SLC4A2: variants seen among roughly 807,000 people sequenced by gnomAD.
SLC4A2 encodes the protein anion exchange protein 2.
Under a neutral mutation model 115.0 loss-of-function variants are expected in SLC4A2, and 36 were observed. That is an observed-to-expected ratio of 0.31 (90% CI 0.24 to 0.41). SLC4A2 has a LOEUF of 0.41. SLC4A2 is among the 10% of genes least tolerant of loss of function. SLC4A2 has a pLI of 1.00. For missense variants in SLC4A2, 1,252 were observed against 1,705.6 expected (o/e 0.73, Z 4.68); for synonymous variants, 708 against 708.3 (o/e 1.00, Z 0.01).
At chr7:151,074,921 A>C in intron 19 of SLC4A2, 80 bp downstream of exon 19, 1 of 1,392,044 alleles carries the variant, frequency 7.2e-7, no homozygotes, top group Admixed American at 2.4e-5. Context: ...ACCTCCAGCC[A>C]CACTGGGCAA....
rs769502987 is a variant in SLC4A2, at chr7:151,074,019, G to C, written c.2536-20G>C. On this transcript the variant is annotated intron_variant, in intron 16 of 22. Coordinates refer to ENST00000413384, the MANE Select transcript of SLC4A2 (RefSeq NM_003040.4). ...TTCTGCAGTCCAGCTGATGGAGGCC[G>C]TGTGGCCTCCTCTCCCCAGATCTTC... 1.3e-6 allele frequency: 2 copies of C among 1,543,436 alleles called. No individual in the cohort carries two copies. The highest frequency in any genetic ancestry group is 1.8e-6 in the Non-Finnish European group (2 of 1,142,500).
chr7:151,076,261 C>T, intron 22 of SLC4A2, 26 bp from the exon 23 acceptor site: 1 of 1,582,478 alleles, frequency 6.3e-7, no homozygotes, highest in Non-Finnish European at 8.6e-7. Flanking sequence ...CACTTCCCTT[C>T]TTGACCGCCA....
At chr7:151,075,983 A>T in intron 21 of SLC4A2, 30 bp from the exon 22 acceptor site, 1 of 1,555,990 alleles carries the variant, frequency 6.4e-7, no homozygotes, top group Non-Finnish European at 8.7e-7. Flanking sequence ...GCTAGGGAGG[A>T]AGCTGGGCTC....
chr7:151,067,410 A>T (rs141464222), intron 7 of SLC4A2, among the ~76,000 whole-genome samples: 1 of 152,292 alleles, frequency 6.6e-6, no homozygotes, highest in African/African-American at 2.4e-5. Flanking sequence ...TTGGTTGTGA[A>T]GGTTGTACAC....
intron 16 of SLC4A2, among the ~76,000 whole-genome samples, chr7:151,073,595 T>G (rs1797515295): frequency 6.6e-6 from 1 of 152,212 alleles, no homozygotes; most frequent in African/African-American, 2.4e-5. Context: ...AAAAATACAT[T>G]ATTTTTAATT....
At chr7:151,062,683 C>T in intron 2 of SLC4A2, 1 of 1,502,232 alleles carries the variant, frequency 6.7e-7, no homozygotes, top group Non-Finnish European at 8.9e-7. Flanking sequence ...GTCTGCGACC[C>T]TCTCTCCCCA....
chr7:151,072,820 G>A (rs112015038), intron 16 of SLC4A2, among the ~76,000 whole-genome samples: 2 of 151,648 alleles, frequency 1.3e-5, no homozygotes, highest in Non-Finnish European at 2.9e-5. Flanking sequence ...CACCATGCCC[G>A]GCTAAATTTT....
At position 151,071,511 on chromosome 7, in the gene SLC4A2, C is replaced by T; in HGVS notation, c.2097C>T (p.Asp699=). The T allele has an allele frequency of 6.2e-7, 1 of 1,613,948 alleles. No individual in the cohort carries two copies. Among genetic ancestry groups the T allele is most frequent in the Non-Finnish European group, 8.5e-7 (1 of 1,180,010 alleles). The change falls in exon 14 of 23, where the codon GAC becomes GAT. Residue 699 remains aspartate, a synonymous_variant. Coordinates refer to ENST00000413384, the MANE Select transcript of SLC4A2 (RefSeq NM_003040.4). The surrounding 1 kb of genome is among the most constrained non-coding windows in gnomAD (Gnocchi z 5.5). ...GCCGCTATCCCCACTACCTGAGTGA[C>T]TTCCGAGATGCACTTGACCCTCAGT... ...VRRRYPHYLS[D]FRDALDPQCL...
In SLC4A2 at chr7:151,072,997, T is replaced by C. The variant is rs564007610; in HGVS notation, c.2535+861T>C. ...TACTTTTATTTTTTAAAAACTTCTA[T>C]ATTTAATGGCACAGTGGCGCCATTA... On this transcript the variant is annotated intron_variant, in intron 16 of 22. Coordinates refer to ENST00000413384, the MANE Select transcript of SLC4A2 (RefSeq NM_003040.4). 4.5e-4 allele frequency among the ~76,000 whole-genome samples: 69 copies of C among 152,288 alleles called. No homozygotes were observed. The South Asian group carries it at 0.012, about 27-fold the overall frequency.
intron 2 of SLC4A2, chr7:151,063,130 G>A (rs1797109483): frequency 4.0e-6 from 6 of 1,484,960 alleles, no homozygotes; most frequent in Admixed American, 2.1e-5. Context: ...TCTTACAAGC[G>A]CCGCATTCCC....
chr7:151,066,691 G>A lies in SLC4A2; in HGVS notation c.753G>A (p.Leu251=). Residue 251 remains leucine (L), a synonymous_variant, in exon 6 of 23, where the codon CTG becomes CTA. Coordinates refer to ENST00000413384, the MANE Select transcript of SLC4A2 (RefSeq NM_003040.4). ...GCATGACTGGGGCTGAGCAGGCACT[G>A]CTGCCCCGGGTCCCCACGGATGAGA... ...IGSMTGAEQA[L]LPRVPTDEIE... is the part of the protein sequence containing the mutation. The A allele has an allele frequency of 6.4e-7, 1 of 1,551,658 alleles. No individual in the cohort carries two copies. The highest frequency in any genetic ancestry group is 8.7e-7 in the Non-Finnish European group (1 of 1,147,454).
At chr7:151,069,809 G>A (rs953412134) in intron 8 of SLC4A2, 138 bp from the exon 9 acceptor site, 2 of 963,630 alleles carry the variant, frequency 2.1e-6, no homozygotes, top group Non-Finnish European at 1.6e-6. Context: ...CAGAACTCGA[G>A]CCCGCGTCCT....
At position 151,074,305 on chromosome 7, in the gene SLC4A2, T is replaced by A. The variant is rs1357759316; in HGVS notation, c.2790+12T>A. ...TCTTTCCTGGCCGGGTGCGTGGGCT[T>A]AAAGGCCAAGAGGGGGTTAGGGGCA... is the stretch of plus-strand genomic sequence containing the variant. On this transcript the variant is annotated intron_variant, in intron 17 of 22. Coordinates refer to ENST00000413384, the MANE Select transcript of SLC4A2 (RefSeq NM_003040.4). 6.2e-7 allele frequency: 1 copy of A among 1,608,638 alleles called. No homozygotes were observed. The highest frequency in any genetic ancestry group is 2.2e-5 in the East Asian group (1 of 44,852).
chr7:151,062,786 A>G, intron 2 of SLC4A2: 1 of 1,364,708 alleles, frequency 7.3e-7, no homozygotes. Context: ...GAGCCAGGAG[A>G]TGGACAGGAG....
chr7:151,075,643 C>A lies in SLC4A2; in HGVS notation c.3339C>A (p.Ile1113=), dbSNP rs1415909415. The part of the protein sequence containing the change: ...SIVIGDLLRQ[I]PLAVLFGIFL... ...TTATCGGGGATCTGCTCCGGCAGAT[C>A]CCCCTGGCCGTGCTCTTTGGAATTT... Residue 1113 remains isoleucine (I), a synonymous_variant, in exon 21 of 23, where the codon ATC becomes ATA. Coordinates refer to ENST00000413384, the MANE Select transcript of SLC4A2 (RefSeq NM_003040.4). The A allele has an allele frequency of 1.9e-6, 3 of 1,602,782 alleles. No individual in the cohort carries two copies. The highest frequency in any genetic ancestry group is 2.6e-6 in the Non-Finnish European group (3 of 1,176,244).
chr7:151,063,201 GGGGGTGGGGTGA>G (rs1347734111), intron 2 of SLC4A2: 9 of 1,422,438 alleles, frequency 6.3e-6, no homozygotes, highest in Non-Finnish European at 7.4e-6. Context: ...TGGGGGCTGT[GGGGGTGGGGTGA>G]GGGGTGGGGC....
Position 151,074,671 on chromosome 7 carries a change from G to T in SLC4A2, c.2881-4G>T. On this transcript the variant is annotated splice_polypyrimidine_tract_variant and splice_region_variant and intron_variant, in intron 18 of 22. Coordinates refer to ENST00000413384, the MANE Select transcript of SLC4A2 (RefSeq NM_003040.4). ...CTTGTCCCTACACTGTGTCTGCCCT[G>T]CAGAAGCTGAGCGTTCCCAGTGGAT... is the stretch of plus-strand genomic sequence containing the variant. 1.3e-6 allele frequency: 2 copies of T among 1,594,054 alleles called. No homozygotes were observed.
rs1797260905 is a variant in SLC4A2 at position 151,067,052 on chromosome 7, C to G, written c.966+59C>G. The G allele has an allele frequency of 2.7e-6, 4 of 1,482,870 alleles. No individual in the cohort carries two copies. The East Asian group carries it at 9.1e-5, about 34-fold the overall frequency. 91.9% of individuals were successfully genotyped at this position (1,482,870 alleles called of 1,614,324 possible). A position where few individuals can be genotyped will look rare whatever the true frequency, so the allele number is the denominator to read the frequency against. On this transcript the variant is annotated intron_variant, in intron 7 of 22. Transcript: ENST00000413384. ...TTCCCACACGACCCTGCCCCTACCT[C>G]TCAGACCAGCTGTAATCTCAAGCCT...
chr7:151,065,698 G>A (rs35856626), intron 5 of SLC4A2, among the ~76,000 whole-genome samples: 3,755 of 152,344 alleles, frequency 0.025, 159 homozygotes, highest in African/African-American at 0.085. Context: ...AGATGCGGGC[G>A]GCGGGTTACA....
Sources: allele counts gnomAD v4.1 joint callset (sites outside exome capture counted in the v4.1 genomes callset), GRCh38; gene constraint gnomAD v4.1.1; non-coding constraint Gnocchi (gnomAD v3.1); transcripts MANE v1.5; gene names NCBI Gene and HGNC (gene_info 2026-07-23, HGNC 2026-07-21).